The following NOL4 variants were observed in gnomAD, a reference collection of about 807,000 sequenced individuals.
The protein encoded by NOL4 is cancer/testis antigen 125.
Under a neutral mutation model 75.9 loss-of-function variants are expected in NOL4, and 17 were observed. The ratio of observed to expected loss-of-function variants is 0.22; its 90% CI spans 0.15 to 0.34. The LOEUF is 0.34. Among genes scored for constraint, NOL4 ranks in the 10% least tolerant of loss-of-function variants. The pLI, the probability that NOL4 is intolerant of heterozygous loss-of-function variation, is 1.00. For synonymous variants in NOL4, 292 were observed against 289.9 expected (o/e 1.01, Z -0.07); for missense variants, 614 against 793.5 (o/e 0.77, Z 2.72).
In NOL4 at chr18:33,987,909, C is replaced by T. The variant is rs747194270; in HGVS notation, c.1057-29491G>A. Among the ~76,000 whole-genome samples, 8 of 152,028 alleles carry T rather than the reference C, an allele frequency of 5.3e-5. No homozygotes were observed. In the East Asian group the frequency reaches 7.8e-4, roughly 15 times the overall value. ...GCCAGATGATTTCTGCTTTTATCAG[C>T]GGAGCTTGGTGAAGTGAAAGCACCC... On this transcript the variant is annotated intron_variant, in intron 6 of 10. Transcript: ENST00000261592.
At chr18:33,894,976 T>G (rs538278855) in intron 9 of NOL4, among the ~76,000 whole-genome samples, 1 of 152,230 alleles carries the variant, frequency 6.6e-6, no homozygotes, top group South Asian at 2.1e-4. Flanking sequence ...GAATTTCAAA[T>G]GTCTCACCAT....
chr18:33,885,716 T>C (rs901958167), intron 9 of NOL4, among the ~76,000 whole-genome samples: 3 of 152,128 alleles, frequency 2.0e-5, no homozygotes, highest in African/African-American at 4.8e-5. Context: ...TTGTACACTG[T>C]TGGTGGGAAT....
chr18:33,955,223 T>C (rs767390959), intron 8 of NOL4, among the ~76,000 whole-genome samples: 1 of 152,072 alleles, frequency 6.6e-6, no homozygotes, highest in Non-Finnish European at 1.5e-5. Context: ...GTTTAAAGAA[T>C]CGCTTAATTC....
rs1366453809 is a variant in NOL4, at chr18:33,914,733, C to G, written c.1542+28332G>C. ...AAAGAAGGGGGAACTCAATGGTAAC[C>G]CCAAGGATTCTGGTCAGGCCAACTG... On this transcript the variant is annotated intron_variant, in intron 9 of 10. Transcript: ENST00000261592. 7.2e-5 allele frequency among the ~76,000 whole-genome samples: 11 copies of G among 152,078 alleles called. No individual in the cohort carries two copies. In the East Asian group the frequency reaches 1.9e-3, roughly 27 times the overall value.
intron 9 of NOL4, among the ~76,000 whole-genome samples, chr18:33,902,091 T>G (rs1256342351): frequency 3.3e-5 from 5 of 152,050 alleles, no homozygotes; most frequent in African/African-American, 4.8e-5. Flanking sequence ...GTAGATGGTT[T>G]TGAAAGTTGT....
At chr18:34,022,910 A>G (rs1568231673) in intron 5 of NOL4, among the ~76,000 whole-genome samples, 1 of 152,088 alleles carries the variant, frequency 6.6e-6, no homozygotes, top group African/African-American at 2.4e-5. Flanking sequence ...TAAGGTAAAC[A>G]TTATTATTTG....
At chr18:34,108,164 T>C (rs1484883559) in intron 2 of NOL4, among the ~76,000 whole-genome samples, 4 of 152,124 alleles carry the variant, frequency 2.6e-5, no homozygotes, top group Non-Finnish European at 5.9e-5. Context: ...TTATTTTATG[T>C]AAGTGCTATG....
At chr18:34,028,867 C>T (rs1439352012) in intron 5 of NOL4, among the ~76,000 whole-genome samples, 1 of 152,118 alleles carries the variant, frequency 6.6e-6, no homozygotes, top group African/African-American at 2.4e-5. Flanking sequence ...TACAGGGGTC[C>T]ATGATGAATA....
In NOL4 at chr18:34,093,485, T is replaced by G; in HGVS notation, c.752A>C (p.Asn251Thr). 6.3e-7 allele frequency: 1 copy of G among 1,593,092 alleles called. No homozygotes were observed. ...NLEERMQSPQ[N>T]LHGQQDDDSA... ...CTTACCATCTTGCTGGCCATGAAGATTCTGGGGACTTTGCATTCTTTCTTC... is the reference window on the plus strand; with the variant it reads ...CTTACCATCTTGCTGGCCATGAAGAGTCTGGGGACTTTGCATTCTTTCTTC... The change falls in exon 5 of 11, where the codon AAT (asparagine) becomes ACT (threonine). Residue 251 changes from asparagine (N) to threonine (T), a missense_variant. Physicochemically the swap from Asn to Thr is moderately conservative, Grantham distance 65. Coordinates refer to ENST00000261592, the MANE Select transcript of NOL4 (RefSeq NM_003787.5).
chr18:34,035,912 T>C lies in NOL4; in HGVS notation c.773-16311A>G, dbSNP rs192046846. ...AATTTTCTGGAAACATATATCCTAC[T>C]AAAATTGAATCAGAAACAAATAGAA... On this transcript the variant is annotated intron_variant, in intron 5 of 10. Coordinates refer to ENST00000261592, the MANE Select transcript of NOL4 (RefSeq NM_003787.5). 2.1e-4 allele frequency among the ~76,000 whole-genome samples: 32 copies of C among 152,130 alleles called. No homozygotes were observed. In the East Asian group the frequency reaches 5.2e-3, roughly 25 times the overall value.
chr18:34,094,275 A>C (rs1439672166), intron 4 of NOL4, among the ~76,000 whole-genome samples: 3 of 152,192 alleles, frequency 2.0e-5, no homozygotes, highest in African/African-American at 7.2e-5. Flanking sequence ...AAAAATTTTC[A>C]TTGGCAAACA....
chr18:33,956,456 A>T (rs2069654919), intron 8 of NOL4, among the ~76,000 whole-genome samples: 1 of 152,110 alleles, frequency 6.6e-6, no homozygotes, highest in African/African-American at 2.4e-5. Context: ...ATCACACCTA[A>T]CTAATTAGAT....
At chr18:33,984,964 C>G (rs144338782) in intron 6 of NOL4, among the ~76,000 whole-genome samples, 1 of 152,144 alleles carries the variant, frequency 6.6e-6, no homozygotes, top group East Asian at 1.9e-4. Flanking sequence ...ATTCCCCTTC[C>G]CCCTTTTGTT....
chr18:33,899,511 G>T (rs1192024702), intron 9 of NOL4, among the ~76,000 whole-genome samples: 1 of 152,156 alleles, frequency 6.6e-6, no homozygotes, highest in African/African-American at 2.4e-5. Context: ...TGGCCAGCTG[G>T]CCCCAGCTAA....
chr18:34,039,052 G>A (rs527610946), intron 5 of NOL4, among the ~76,000 whole-genome samples: 2 of 151,904 alleles, frequency 1.3e-5, no homozygotes, highest in South Asian at 2.1e-4. Context: ...GAAACAAAAT[G>A]TAAAATATAT....
At chr18:34,044,283 T>C (rs1241274340) in intron 5 of NOL4, among the ~76,000 whole-genome samples, 1 of 152,082 alleles carries the variant, frequency 6.6e-6, no homozygotes, top group Non-Finnish European at 1.5e-5. Context: ...ATTATCCATA[T>C]GAAAAGAAAA....
At chr18:34,187,433 A>C (rs1435000962) in intron 1 of NOL4, among the ~76,000 whole-genome samples, 3 of 129,302 alleles carry the variant, frequency 2.3e-5, no homozygotes, top group African/African-American at 9.4e-5. Flanking sequence ...GCTGGAGTGC[A>C]GTGGCGCATC....
intron 9 of NOL4, among the ~76,000 whole-genome samples, chr18:33,912,024 T>C (rs942662388): frequency 2.0e-5 from 3 of 152,100 alleles, no homozygotes; most frequent in African/African-American, 7.2e-5. Flanking sequence ...AACAACTTGT[T>C]AGATACACTT....
chr18:34,186,640 C>T (rs534172160), intron 1 of NOL4, among the ~76,000 whole-genome samples: 1 of 152,164 alleles, frequency 6.6e-6, no homozygotes, highest in Non-Finnish European at 1.5e-5. Context: ...AAAATTTTTG[C>T]TACTGCCATT....
Sources: gnomAD v4.1 joint callset for allele counts (sites outside exome capture counted in the v4.1 genomes callset) on GRCh38, gnomAD v4.1.1 for gene constraint, MANE v1.5 for transcripts, NCBI Gene and HGNC (gene_info 2026-07-23, HGNC 2026-07-21) for gene names.